Variants in MYRIP observed in about 807,000 individuals in gnomAD.
MYRIP encodes rab effector MyRIP.
In MYRIP, 49 loss-of-function variants were observed where a neutral mutation model predicts 98.0. That is an observed-to-expected ratio of 0.50 (90% CI 0.40 to 0.63). MYRIP has a LOEUF of 0.63. Ranked by LOEUF, MYRIP falls within the 30% of genes least tolerant of loss-of-function variation. The probability of loss-of-function intolerance (pLI) is 0.00; values close to 1 mark genes in which losing one functional copy is unlikely to be tolerated. For missense variants in MYRIP, 1,004 were observed against 1,058.2 expected (o/e 0.95, Z 0.71); for synonymous variants, 404 against 409.5 (o/e 0.99, Z 0.16).
intron 3 of MYRIP, among the ~76,000 whole-genome samples, chr3:40,056,689 C>T (rs1389062039): frequency 6.6e-6 from 1 of 152,134 alleles, no homozygotes; most frequent in African/African-American, 2.4e-5. Context: ...AACTTAAGCA[C>T]AAATAAGCTA....
chr3:40,139,974 C>T (rs1949859052), intron 3 of MYRIP, among the ~76,000 whole-genome samples: 1 of 152,154 alleles, frequency 6.6e-6, no homozygotes, highest in East Asian at 1.9e-4. Context: ...AATTAGTTTC[C>T]AGTGTTTTGG....
At chr3:39,947,536 G>T (rs1391550926) in intron 2 of MYRIP, among the ~76,000 whole-genome samples, 10 of 152,106 alleles carry the variant, frequency 6.6e-5, no homozygotes, top group Non-Finnish European at 7.4e-5. Flanking sequence ...ACAAGAGAAA[G>T]CTAGTCTAAA....
chr3:40,101,813 G>A (rs750421949), intron 3 of MYRIP, among the ~76,000 whole-genome samples: 10 of 151,582 alleles, frequency 6.6e-5, no homozygotes, highest in Admixed American at 1.3e-4. Context: ...GTTTGTTTTG[G>A]TATTTATCTT....
intron 11 of MYRIP, among the ~76,000 whole-genome samples, chr3:40,232,265 A>G (rs574807647): frequency 1.3e-5 from 2 of 152,322 alleles, no homozygotes; most frequent in South Asian, 4.1e-4. Context: ...CCTCTGGCAC[A>G]TGTGTCCTCA....
chr3:39,814,810 G>A (rs775837332), intron 1 of MYRIP, among the ~76,000 whole-genome samples: 1 of 152,100 alleles, frequency 6.6e-6, no homozygotes, highest in Non-Finnish European at 1.5e-5. Flanking sequence ...GAAAATTCCT[G>A]TTATAATTTA....
At chr3:39,820,906 C>A (rs1227566902) in intron 1 of MYRIP, among the ~76,000 whole-genome samples, 2 of 152,086 alleles carry the variant, frequency 1.3e-5, no homozygotes, top group Non-Finnish European at 2.9e-5. Flanking sequence ...GTACCTGATG[C>A]ATGTTCTTCC....
At chr3:40,108,963 C>A (rs1051472983) in intron 3 of MYRIP, among the ~76,000 whole-genome samples, 1 of 152,166 alleles carries the variant, frequency 6.6e-6, no homozygotes, top group Non-Finnish European at 1.5e-5. Context: ...GCCCCAATCA[C>A]CCCAGGGCTA....
At chr3:39,954,831 GA>G (rs1309251239) in intron 2 of MYRIP, among the ~76,000 whole-genome samples, 17 of 152,158 alleles carry the variant, frequency 1.1e-4, no homozygotes, top group African/African-American at 3.4e-4. Flanking sequence ...AACCTTAAAT[GA>G]CCTGATGGAG....
intron 1 of MYRIP, among the ~76,000 whole-genome samples, chr3:39,819,428 C>A (rs1413477140): frequency 6.6e-6 from 1 of 152,082 alleles, no homozygotes. Flanking sequence ...TTAATGAGGA[C>A]AGACTACAAG....
chr3:39,990,255 G>A (rs1411738491), intron 2 of MYRIP, among the ~76,000 whole-genome samples: 1 of 152,128 alleles, frequency 6.6e-6, no homozygotes, highest in African/African-American at 2.4e-5. Flanking sequence ...CCTCTGCCCT[G>A]TGTAGCCACC....
chr3:39,834,856 G>A (rs1279882637), intron 1 of MYRIP, among the ~76,000 whole-genome samples: 2 of 151,776 alleles, frequency 1.3e-5, no homozygotes, highest in South Asian at 2.1e-4. Flanking sequence ...TGAAAGATAA[G>A]GAAACAATAT....
At chr3:39,916,973 T>C (rs1410396591) in intron 2 of MYRIP, among the ~76,000 whole-genome samples, 1 of 151,972 alleles carries the variant, frequency 6.6e-6, no homozygotes, top group Admixed American at 6.5e-5. Context: ...CATCACTAAA[T>C]TAATGGCTGA....
At chr3:39,873,714 C>A (rs1424384148) in intron 1 of MYRIP, among the ~76,000 whole-genome samples, 2 of 150,648 alleles carry the variant, frequency 1.3e-5, no homozygotes, top group African/African-American at 4.8e-5. Context: ...GTTTTGGTAC[C>A]AGTACCATGC....
intron 8 of MYRIP, among the ~76,000 whole-genome samples, chr3:40,179,203 C>T (rs971725670): frequency 6.6e-6 from 1 of 152,170 alleles, no homozygotes; most frequent in Non-Finnish European, 1.5e-5. Flanking sequence ...ACCTGGGTCT[C>T]AGAACTGTCT....
chr3:39,996,776 G>A (rs1276646126), intron 2 of MYRIP, among the ~76,000 whole-genome samples: 1 of 152,048 alleles, frequency 6.6e-6, no homozygotes, highest in African/African-American at 2.4e-5. Context: ...TGACCACAGG[G>A]TTGGAAGTAA....
intron 3 of MYRIP, among the ~76,000 whole-genome samples, chr3:40,144,544 C>A (rs915826524): frequency 2.6e-5 from 4 of 152,224 alleles, no homozygotes; most frequent in African/African-American, 9.6e-5. Flanking sequence ...CAGAGCTGAG[C>A]CTTTCTGGTG....
chr3:39,980,782 A>G (rs1229829176), intron 2 of MYRIP, among the ~76,000 whole-genome samples: 1 of 152,176 alleles, frequency 6.6e-6, no homozygotes, highest in Non-Finnish European at 1.5e-5. Flanking sequence ...TGAGGTACCT[A>G]CTTTTATTTT....
intron 1 of MYRIP, among the ~76,000 whole-genome samples, chr3:39,861,068 G>A (rs1431258204): frequency 2.0e-5 from 3 of 152,350 alleles, no homozygotes; most frequent in Admixed American, 6.5e-5. Flanking sequence ...CTAGTGGAGC[G>A]CTTTGGCTGG....
chr3:40,235,957 G>A (rs1952812635), intron 12 of MYRIP, among the ~76,000 whole-genome samples: 1 of 152,228 alleles, frequency 6.6e-6, no homozygotes, highest in Non-Finnish European at 1.5e-5. Flanking sequence ...GGGAGGAGAA[G>A]ACAGTGCTTA....
Sources: gnomAD v4.1 joint callset for allele counts (sites outside exome capture counted in the v4.1 genomes callset) on GRCh38, gnomAD v4.1.1 for gene constraint, MANE v1.5 for transcripts, NCBI Gene and HGNC (gene_info 2026-07-23, HGNC 2026-07-21) for gene names.